The following BANP variants were observed in gnomAD, a reference collection of about 807,000 sequenced individuals.
BANP encodes the protein protein BANP.
In BANP, 11 loss-of-function variants were observed where a neutral mutation model predicts 68.1. That is an observed-to-expected ratio of 0.16 (90% CI 0.10 to 0.27). The LOEUF (loss-of-function observed/expected upper bound fraction) is 0.27, where lower values mean the gene tolerates loss of function less well. Among genes scored for constraint, BANP ranks in the 10% least tolerant of loss-of-function variants. The probability of loss-of-function intolerance (pLI) is 1.00; values close to 1 mark genes in which losing one functional copy is unlikely to be tolerated. For synonymous variants in BANP, 329 were observed against 303.2 expected, an observed-to-expected ratio of 1.09 and a Z score of -0.88; for missense variants, 504 against 722.7, an observed-to-expected ratio of 0.70 and a Z score of 3.47.
At chr16:87,958,345 T>C (rs1006524538) in intron 1 of BANP, among the ~76,000 whole-genome samples, 1 of 152,184 alleles carries the variant, frequency 6.6e-6, no homozygotes, top group Admixed American at 6.5e-5. Flanking sequence ...AAAAGGAGCA[T>C]GGTTCGGAGT....
At chr16:88,032,171 T>A (rs2078324157) in intron 8 of BANP, among the ~76,000 whole-genome samples, 1 of 152,008 alleles carries the variant, frequency 6.6e-6, no homozygotes, top group Non-Finnish European at 1.5e-5. Context: ...ATCAACATTC[T>A]ACTTCTCTCA....
At chr16:88,062,170 G>T (rs2087000404) in intron 11 of BANP, among the ~76,000 whole-genome samples, 1 of 152,180 alleles carries the variant, frequency 6.6e-6, no homozygotes, top group South Asian at 2.1e-4. Flanking sequence ...GCAGTGTTCA[G>T]AGTGTATCTT....
At chr16:88,049,015 C>A (rs1258289208) in intron 11 of BANP, among the ~76,000 whole-genome samples, 1 of 152,086 alleles carries the variant, frequency 6.6e-6, no homozygotes, top group Non-Finnish European at 1.5e-5. Context: ...ACACCGTGAC[C>A]ATCATCAACA....
At chr16:88,021,268 G>A (rs1412286120) in intron 7 of BANP, among the ~76,000 whole-genome samples, 2 of 152,204 alleles carry the variant, frequency 1.3e-5, no homozygotes, top group African/African-American at 4.8e-5. Flanking sequence ...GCTGGGCTCT[G>A]GAGCACGGTC....
rs1407592332 is a variant in BANP at position 87,957,569 on chromosome 16, A to T, written c.-69+6054A>T. Among the ~76,000 whole-genome samples the T allele has an allele frequency of 6.6e-6, 1 of 152,160 alleles. No individual in the cohort carries two copies. The highest frequency in any genetic ancestry group is 2.4e-5 in the African/African-American group (1 of 41,428). The stretch of plus-strand genomic sequence containing the variant: ...ACAAACCTTTCGCTAGTGACCAGTT[A>T]CCTTCTGTGTCTGAGAGAAGGCCGT... On this transcript the variant is annotated intron_variant, in intron 1 of 13. Coordinates refer to ENST00000682872, the MANE Select transcript of BANP (RefSeq NM_001386991.1). The surrounding 1 kb of genome is among the most constrained non-coding windows in gnomAD (Gnocchi z 4.3).
chr16:88,065,731 G>A lies in BANP; in HGVS notation c.1377+399G>A, dbSNP rs531274907. 1.9e-3 allele frequency among the ~76,000 whole-genome samples: 285 copies of A among 152,308 alleles called. 1 individual carries two copies. The highest frequency in any genetic ancestry group is 6.5e-3 in the African/African-American group (272 of 41,560). On this transcript the variant is annotated intron_variant, in intron 12 of 13. Transcript: ENST00000682872. ...CCTAGGAGGGAGGAGAGCAGGGACC[G>A]GCTCTGCTTTTGTTTTTATTCAGGG...
At chr16:88,001,358 G>A (rs1322141967) in intron 4 of BANP, among the ~76,000 whole-genome samples, 5 of 151,434 alleles carry the variant, frequency 3.3e-5, no homozygotes, top group Non-Finnish European at 7.4e-5. Context: ...ATGCACGCAC[G>A]TGCGTGGCTG....
chr16:87,989,264 T>C (rs2065256032), intron 4 of BANP, among the ~76,000 whole-genome samples: 1 of 152,240 alleles, frequency 6.6e-6, no homozygotes, highest in South Asian at 2.1e-4. Context: ...ATTTTCTTCC[T>C]GCAGGTGCGC....
At position 88,064,340 on chromosome 16, in the gene BANP, G is replaced by A. The variant is rs2087825118; in HGVS notation, c.1312-927G>A. ...CTTGCCCTGTGGTCACCTGTGGTCA[G>A]GGACAGTGGGTTCCTCTCCCTTAGC... On this transcript the variant is annotated intron_variant, in intron 11 of 13. Transcript: ENST00000682872. This position sits in a 1 kb window ranked among gnomAD's most constrained non-coding sequence, Gnocchi z 4.5. Among the ~76,000 whole-genome samples the A allele has an allele frequency of 6.6e-6, 1 of 152,346 alleles. No individual in the cohort carries two copies. Among genetic ancestry groups the A allele is most frequent in the African/African-American group, 2.4e-5 (1 of 41,580 alleles).
chr16:87,959,988 G>C (rs1483575588), intron 1 of BANP: 1 of 152,608 alleles, frequency 6.6e-6, no homozygotes, highest in African/African-American at 2.4e-5. Flanking sequence ...ACTGAAGAAA[G>C]TGCCGGTGAG....
rs766212652 is a variant in BANP, at chr16:88,059,163, T to A, written c.1312-6104T>A. Among the ~76,000 whole-genome samples, 8 of 136,962 alleles carry A rather than the reference T, an allele frequency of 5.8e-5. No individual in the cohort carries two copies. In the East Asian group the frequency reaches 1.3e-3, roughly 22 times the overall value. The allele number at this position is 136,962 out of a possible 152,430, so 89.9% of individuals were successfully genotyped here. A position where few individuals can be genotyped will look rare whatever the true frequency, so the allele number is the denominator to read the frequency against. On this transcript the variant is annotated intron_variant, in intron 11 of 13. Transcript: ENST00000682872. Reference sequence around the variant, plus strand: ...GGTCCGTGCTCCTGCTGGTGTGCTGTGGTCCATGCTCCTGCTGGTGGCGGG... The same window carrying A: ...GGTCCGTGCTCCTGCTGGTGTGCTGAGGTCCATGCTCCTGCTGGTGGCGGG...
intron 1 of BANP, among the ~76,000 whole-genome samples, chr16:87,959,657 TGGAGGACAAAGAGAC>T (rs776967464): frequency 2.6e-4 from 40 of 152,146 alleles, no homozygotes; most frequent in Non-Finnish European, 2.8e-4. Flanking sequence ...CATGGAGCAT[TGGAGGACAAAGAGAC>T]GGCCAGATCG....
intron 6 of BANP, among the ~76,000 whole-genome samples, chr16:88,010,535 C>T (rs1196410468): frequency 4.6e-5 from 7 of 152,216 alleles, no homozygotes; most frequent in African/African-American, 7.2e-5. Flanking sequence ...GCTACTGGCA[C>T]GCCGTGCTGA....
rs1159129986 is a variant in BANP at position 88,039,743 on chromosome 16, C to T, written c.1311+1732C>T. Among the ~76,000 whole-genome samples the T allele has an allele frequency of 3.5e-5, 5 of 142,716 alleles. 1 individual carries two copies. Among genetic ancestry groups the T allele is most frequent in the South Asian group, 2.4e-4 (1 of 4,130 alleles). The allele number at this position is 142,716 out of a possible 152,430, so 93.6% of individuals were successfully genotyped here. ...CACAGATCTGAGTTCAGGAAGGACT[C>T]GGGGCTGACGTCGGAGGAGTTGCTG... On this transcript the variant is annotated intron_variant, in intron 11 of 13. Transcript: ENST00000682872.
upstream of BANP, among the ~76,000 whole-genome samples, chr16:87,950,196 T>G (rs2144187372): frequency 6.6e-6 from 1 of 152,052 alleles, no homozygotes; most frequent in East Asian, 2.0e-4. Flanking sequence ...TTTTTCCCAG[T>G]GAAAATAGCT....
Position 87,951,975 on chromosome 16 carries a change from C to T in BANP, c.-69+460C>T, listed in dbSNP as rs368945445. 1.1e-4 allele frequency among the ~76,000 whole-genome samples: 16 copies of T among 152,226 alleles called. No individual in the cohort carries two copies. In the East Asian group the frequency reaches 1.9e-3, roughly 18 times the overall value. ...ACAGGCATCGTTTTTGTGCCTCCTC[C>T]GTGGCTGTGGACCGGAGCCCCATAG... On this transcript the variant is annotated intron_variant, in intron 1 of 13. Coordinates refer to ENST00000682872, the MANE Select transcript of BANP (RefSeq NM_001386991.1).
In BANP at chr16:88,070,350, C is replaced by T. The variant is rs146837588; in HGVS notation, c.1378-1719C>T. ...CGGGCTGGCATCTGACACCTGGACT[C>T]AGAGGGCCTCTGCAGTAGGGGCCGT... On this transcript the variant is annotated intron_variant, in intron 12 of 13. Transcript: ENST00000682872. 4.3e-4 allele frequency among the ~76,000 whole-genome samples: 65 copies of T among 152,288 alleles called. 1 individual carries two copies. The highest frequency in any genetic ancestry group is 1.5e-3 in the African/African-American group (61 of 41,536).
intron 1 of BANP, among the ~76,000 whole-genome samples, chr16:87,973,510 C>G (rs1255299077): frequency 6.6e-6 from 1 of 152,120 alleles, no homozygotes; most frequent in African/African-American, 2.4e-5. Flanking sequence ...CCTGTAATCC[C>G]AGCACCTTGG....
At chr16:88,010,074 C>T (rs1488246543) in intron 6 of BANP, among the ~76,000 whole-genome samples, 3 of 152,218 alleles carry the variant, frequency 2.0e-5, no homozygotes, top group African/African-American at 7.2e-5. Context: ...CATTCTTGTG[C>T]TTGCCTTTTG....
Sources: allele counts gnomAD v4.1 joint callset (sites outside exome capture counted in the v4.1 genomes callset), GRCh38; gene constraint gnomAD v4.1.1; non-coding constraint Gnocchi (gnomAD v3.1); transcripts MANE v1.5; gene names NCBI Gene and HGNC (gene_info 2026-07-23, HGNC 2026-07-21).